Variants in TMED8 observed in about 807,000 individuals in gnomAD.
TMED8 encodes the protein transmembrane p24 trafficking protein family member 8.
TMED8 carries 15 observed loss-of-function variants against 32.7 expected under a neutral mutation model. That is an observed-to-expected ratio of 0.46 (90% CI 0.31 to 0.71). The LOEUF (loss-of-function observed/expected upper bound fraction) is 0.71. Among genes scored for constraint, TMED8 ranks in the 30% least tolerant of loss-of-function variants. TMED8 has a pLI of 0.06. For missense variants in TMED8, 390 were observed against 423.9 expected (o/e 0.92, Z 0.70); for synonymous variants, 147 against 161.4 (o/e 0.91, Z 0.68).
In TMED8 at chr14:77,340,291, A is replaced by C. The variant is rs982922524; in HGVS notation, c.*1480T>G. ...AATTCTCCTAAAAATATCATCTTTA[A>C]CTCCATAAAAGAGGGGGCTTCAGTG... is the stretch of plus-strand genomic sequence containing the variant. On this transcript the variant is annotated 3_prime_UTR_variant, in exon 6 of 6. Transcript: ENST00000216468. 2 of 152,198 alleles carry C rather than the reference A, an allele frequency of 1.3e-5. No individual in the cohort carries two copies. The highest frequency in any genetic ancestry group is 1.3e-4 in the Admixed American group (2 of 15,288). The allele number at this position is 152,198 out of a possible 1,614,324, so 9.4% of individuals were successfully genotyped here. A position where few individuals can be genotyped will look rare whatever the true frequency, so the allele number is the denominator to read the frequency against.
chr14:77,365,287 G>A (rs1055557494), intron 1 of TMED8, among the ~76,000 whole-genome samples: 3 of 152,118 alleles, frequency 2.0e-5, no homozygotes, highest in African/African-American at 7.2e-5. Flanking sequence ...AGTTAAATTA[G>A]ACATGATTTG....
intron 2 of TMED8, among the ~76,000 whole-genome samples, chr14:77,348,360 C>T (rs1431406858): frequency 6.6e-6 from 1 of 151,950 alleles, no homozygotes. Context: ...GTAGCTGGGA[C>T]TACAGGCGCC....
chr14:77,372,892 A>G (rs1893702688), intron 1 of TMED8, among the ~76,000 whole-genome samples: 1 of 101,228 alleles, frequency 9.9e-6, no homozygotes, highest in Non-Finnish European at 2.0e-5. Context: ...TGCACATTGA[A>G]ATAGCCACAG....
rs1311217798 is a variant in TMED8 at position 77,376,953 on chromosome 14, C to T, written c.101G>A (p.Ser34Asn). Residue 34 changes from serine (S) to asparagine (N), a missense_variant, in exon 1 of 6, where the codon AGC becomes AAC. Ser to Asn is a conservative substitution (Grantham distance 46, BLOSUM62 1). Coordinates refer to ENST00000216468, the MANE Select transcript of TMED8 (RefSeq NM_213601.3). The surrounding 1 kb of genome is among the most constrained non-coding windows in gnomAD (Gnocchi z 4.0). ...TTGCGTACCTGAGGCGGCCGCCTGG[C>T]TCCCCTCCACTCCCTGGCAGTCCCC... Reference protein sequence around the residue: ...GVGDCQGVEGSQAAASENEDL... With the variant: ...GVGDCQGVEGNQAAASENEDL... The T allele has an allele frequency of 6.9e-7, 1 of 1,456,796 alleles. No homozygotes were observed. 90.2% of individuals were successfully genotyped at this position (1,456,796 alleles called of 1,614,324 possible).
chr14:77,377,063 G>C lies in TMED8; in HGVS notation c.-10C>G. 7.4e-7 allele frequency: 1 copy of C among 1,343,968 alleles called. No homozygotes were observed. 83.3% of individuals were successfully genotyped at this position (1,343,968 alleles called of 1,614,324 possible). On this transcript the variant is annotated 5_prime_UTR_variant, in exon 1 of 6. Coordinates refer to ENST00000216468, the MANE Select transcript of TMED8 (RefSeq NM_213601.3). ...CCTGCAGGTCAGACATCTGCAGCCC[G>C]CGCACGGAGCTCTCCGCTGCCAGCC...
chr14:77,362,868 C>T (rs1009817631), intron 1 of TMED8, among the ~76,000 whole-genome samples: 2 of 151,880 alleles, frequency 1.3e-5, no homozygotes, highest in African/African-American at 2.4e-5. Flanking sequence ...AACTGTCACA[C>T]GAAACAAAGA....
chr14:77,348,640 A>G (rs17105729), intron 2 of TMED8, among the ~76,000 whole-genome samples: 2,208 of 152,288 alleles, frequency 0.014, 45 homozygotes, highest in African/African-American at 0.05. Flanking sequence ...TGAGGGCATC[A>G]TTTCCTCAAA....
At chr14:77,364,771 A>G (rs1893513654) in intron 1 of TMED8, among the ~76,000 whole-genome samples, 1 of 152,224 alleles carries the variant, frequency 6.6e-6, no homozygotes, top group Non-Finnish European at 1.5e-5. Flanking sequence ...GTCAAGGTCT[A>G]CACATTAACA....
In TMED8 at chr14:77,341,984, G is replaced by A. The variant is rs371130044; in HGVS notation, c.765C>T (p.Pro255=). ...EEEEEEEIEE[P]VPAGDVERGS... Reference sequence around the variant, plus strand: ...CTCTCTCCACATCTCCAGCTGGAACGGGTTCTGCGTGAGCAAAATGGCAAA... The same window carrying A: ...CTCTCTCCACATCTCCAGCTGGAACAGGTTCTGCGTGAGCAAAATGGCAAA... The change falls in exon 6 of 6, where the codon CCC becomes CCT. Residue 255 remains proline (P), a synonymous_variant. Coordinates refer to ENST00000216468, the MANE Select transcript of TMED8 (RefSeq NM_213601.3). The A allele has an allele frequency of 2.8e-5, 45 of 1,613,758 alleles. No individual in the cohort carries two copies. The highest frequency in any genetic ancestry group is 5.3e-5 in the African/African-American group (4 of 74,932).
intron 3 of TMED8, among the ~76,000 whole-genome samples, chr14:77,345,058 G>T (rs1892993113): frequency 6.6e-6 from 1 of 152,174 alleles, no homozygotes; most frequent in Non-Finnish European, 1.5e-5. Context: ...CACGATCTCA[G>T]CTCACTGCAA....
intron 1 of TMED8, among the ~76,000 whole-genome samples, chr14:77,354,116 A>G (rs967618157): frequency 6.6e-6 from 1 of 152,148 alleles, no homozygotes; most frequent in Non-Finnish European, 1.5e-5. Flanking sequence ...AGTTTGTTCC[A>G]TTTAAAGAAA....
At chr14:77,372,921 TATATATATATATATATATATATATA>T (rs1893707810) in intron 1 of TMED8, among the ~76,000 whole-genome samples, 2 of 20,850 alleles carry the variant, frequency 9.6e-5, no homozygotes, top group Non-Finnish European at 1.8e-4. Flanking sequence ...TATATATATA[TATATATATATATATATATATATATA>T]TATATATTTT....
At chr14:77,362,679 C>T (rs149085149) in intron 1 of TMED8, among the ~76,000 whole-genome samples, 157 of 151,856 alleles carry the variant, frequency 1.0e-3, no homozygotes, top group African/African-American at 2.7e-3. Context: ...TAGAAGACAC[C>T]GAGTGGGTGA....
At chr14:77,359,064 C>A (rs999507445) in intron 1 of TMED8, among the ~76,000 whole-genome samples, 42 of 152,294 alleles carry the variant, frequency 2.8e-4, no homozygotes, top group Middle Eastern at 3.4e-3. Context: ...CATGCCACCA[C>A]ACCTGGCTAA....
In TMED8 at chr14:77,359,306, G is replaced by A. The variant is rs572083201; in HGVS notation, c.119-7555C>T. ...TGGTGCAACCCAACTCCATGCAGAC[G>A]GAAGCTCCTGCACTCAGGACCCTTC... On this transcript the variant is annotated intron_variant, in intron 1 of 5. Transcript: ENST00000216468. 7 of 166,898 alleles carry A rather than the reference G, an allele frequency of 4.2e-5. No homozygotes were observed. In the South Asian group the frequency reaches 1.0e-3, roughly 25 times the overall value. The allele number at this position is 166,898 out of a possible 1,614,324, so 10.3% of individuals were successfully genotyped here. A position where few individuals can be genotyped will look rare whatever the true frequency, so the allele number is the denominator to read the frequency against.
rs1892902368 is a variant in TMED8, at chr14:77,341,678, G to T, written c.*93C>A. On this transcript the variant is annotated 3_prime_UTR_variant, in exon 6 of 6. Coordinates refer to ENST00000216468, the MANE Select transcript of TMED8 (RefSeq NM_213601.3). ...GGTGTGAGGCTCAGCAGCCCCCCATGAACCTTTGGCTCTTGCCTATCCCAA... is the reference window on the plus strand; with the variant it reads ...GGTGTGAGGCTCAGCAGCCCCCCATTAACCTTTGGCTCTTGCCTATCCCAA... The T allele has an allele frequency of 7.8e-7, 1 of 1,274,130 alleles. No individual in the cohort carries two copies. The allele number at this position is 1,274,130 out of a possible 1,614,324, so 78.9% of individuals were successfully genotyped here. A position where few individuals can be genotyped will look rare whatever the true frequency, so the allele number is the denominator to read the frequency against.
At chr14:77,372,930 ATATATATATATATATATATATATTTTT>A (rs1243664966) in intron 1 of TMED8, among the ~76,000 whole-genome samples, 14 of 28,814 alleles carry the variant, frequency 4.9e-4, no homozygotes, top group African/African-American at 2.3e-3. Context: ...ATATATATAT[ATATATATATATATATATATATATTTTT>A]TTTTTTTTTT....
At chr14:77,348,365 G>A (rs1893098437) in intron 2 of TMED8, among the ~76,000 whole-genome samples, 1 of 152,024 alleles carries the variant, frequency 6.6e-6, no homozygotes, top group African/African-American at 2.4e-5. Flanking sequence ...TGGGACTACA[G>A]GCGCCGGCCA....
chr14:77,366,000 T>C (rs1404526736), intron 1 of TMED8, among the ~76,000 whole-genome samples: 1 of 152,230 alleles, frequency 6.6e-6, no homozygotes, highest in African/African-American at 2.4e-5. Context: ...AATGTGTTTT[T>C]AGTTCGCCCA....
Sources: allele counts gnomAD v4.1 joint callset (sites outside exome capture counted in the v4.1 genomes callset), GRCh38; gene constraint gnomAD v4.1.1; non-coding constraint Gnocchi (gnomAD v3.1); transcripts MANE v1.5; gene names NCBI Gene and HGNC (gene_info 2026-07-23, HGNC 2026-07-21).